CORO7: variants seen among roughly 807,000 people sequenced by gnomAD.
CORO7 encodes the protein coronin 7.
Under a neutral mutation model 126.6 loss-of-function variants are expected in CORO7, and 107 were observed. That is an observed-to-expected ratio of 0.85 (90% CI 0.72 to 0.99). The LOEUF (loss-of-function observed/expected upper bound fraction) is 0.99, where lower values mean the gene tolerates loss of function less well. Among genes scored for constraint, CORO7 ranks in the 50% least tolerant of loss-of-function variants. The pLI is 0.00. For missense variants in CORO7, 1,314 were observed against 1,255.8 expected, an observed-to-expected ratio of 1.05 and a Z score of -0.70; for synonymous variants, 603 against 536.8, an observed-to-expected ratio of 1.12 and a Z score of -1.70.
intron 9 of CORO7, chr16:4,383,236 G>A (rs1260827172): frequency 1.6e-5 from 5 of 304,304 alleles, no homozygotes; most frequent in East Asian, 5.8e-5. Flanking sequence ...CACTCCAGGC[G>A]GACCCTGGGG....
chr16:4,413,588 A>T (rs138378815), intron 1 of CORO7, 184 bp from the exon 2 acceptor site: 36 of 537,978 alleles, frequency 6.7e-5, no homozygotes, highest in African/African-American at 5.5e-4. Flanking sequence ...CCCAGGCTAG[A>T]GTGCAGTGGC....
intron 7 of CORO7, among the ~76,000 whole-genome samples, chr16:4,394,860 A>C (rs781647669): frequency 9.2e-5 from 14 of 152,226 alleles, no homozygotes; most frequent in Non-Finnish European, 1.6e-4. Flanking sequence ...CACAAACCAG[A>C]ACACGCTCAG....
intron 23 of CORO7, 52 bp downstream of exon 23, chr16:4,359,244 G>A (rs1025166224): frequency 2.5e-5 from 38 of 1,523,946 alleles, no homozygotes; most frequent in Admixed American, 4.2e-5. Context: ...GCCACCAGGG[G>A]GCAGGGCAGC....
chr16:4,407,630 C>T lies in CORO7; in HGVS notation c.358G>A (p.Val120Met), dbSNP rs764429150. ...GGGAGGTCCTCGGGGCCCAGCACCA[C>T]CCCGGGTGCTGAGGGCAGGGCCTGG... is the stretch of plus-strand genomic sequence containing the variant. ...PGQALPSAPG[V>M]VLGPEDLPVE... is the part of the protein sequence containing the mutation. The change falls in exon 5 of 28, where the codon GTG becomes ATG. Residue 120 changes from valine (V) to methionine (M), a missense_variant. Coordinates refer to ENST00000251166, the MANE Select transcript of CORO7 (RefSeq NM_024535.5). The T allele has an allele frequency of 6.2e-7, 1 of 1,608,298 alleles. No individual in the cohort carries two copies. Among genetic ancestry groups the T allele is most frequent in the South Asian group, 1.1e-5 (1 of 90,292 alleles).
chr16:4,384,871 G>A (rs555863913), intron 9 of CORO7, among the ~76,000 whole-genome samples: 99 of 152,342 alleles, frequency 6.5e-4, no homozygotes, highest in African/African-American at 2.0e-3. Context: ...ATCGTCAAAG[G>A]GGCCTTTGTG....
intron 6 of CORO7, among the ~76,000 whole-genome samples, chr16:4,396,675 C>T (rs986210010): frequency 2.6e-5 from 4 of 152,060 alleles, no homozygotes; most frequent in South Asian, 4.1e-4. Flanking sequence ...AGCACAGATT[C>T]CTGTTTTCAT....
intron 6 of CORO7, among the ~76,000 whole-genome samples, chr16:4,399,431 CAAATTATAGACACAGA>C (rs1299707207): frequency 6.6e-6 from 1 of 152,074 alleles, no homozygotes; most frequent in Admixed American, 6.5e-5. Context: ...CTAAAGTAGT[CAAATTATAGACACAGA>C]AAATTATAGA....
At chr16:4,359,187 C>G in intron 23 of CORO7, 109 bp downstream of exon 23, 1 of 1,257,698 alleles carries the variant, frequency 8.0e-7, no homozygotes, top group South Asian at 1.5e-5. Context: ...CAGCCCCAGC[C>G]CAGGACTCTG....
rs183739294 is a variant in CORO7 at position 4,403,830 on chromosome 16, C to A, written c.564+1661G>T. Among the ~76,000 whole-genome samples, 37 of 152,348 alleles carry A rather than the reference C, an allele frequency of 2.4e-4. 1 individual carries two copies. Among genetic ancestry groups the A allele is most frequent in the South Asian group, 4.1e-4 (2 of 4,834 alleles). On this transcript the variant is annotated intron_variant, in intron 6 of 27. Coordinates refer to ENST00000251166, the MANE Select transcript of CORO7 (RefSeq NM_024535.5). ...GGTCCCAAGGCAGCCATCCCTGAGT[C>A]CTGCTGAGACTACCCAGGCCATCCC... is the stretch of plus-strand genomic sequence containing the variant.
chr16:4,397,032 AAAG>A lies in CORO7; in HGVS notation c.565-1696_565-1694del, dbSNP rs1473178037. Among the ~76,000 whole-genome samples the A allele has an allele frequency of 6.9e-5, 10 of 145,624 alleles. No homozygotes were observed. The East Asian group carries it at 9.9e-4, about 14-fold the overall frequency. On this transcript the variant is annotated intron_variant, in intron 6 of 27. Transcript: ENST00000251166. ...CTCAATCTCAAAAAAAAAAAAAAAG[AAAG>A]AAAGAAAGAAAAACAACATCATTTG... is the stretch of plus-strand genomic sequence containing the variant.
At chr16:4,410,113 A>G (rs7205189) in intron 3 of CORO7, among the ~76,000 whole-genome samples, 112,072 of 152,054 alleles carry the variant, frequency 0.74, 41,448 homozygotes, top group Non-Finnish European at 0.77. Flanking sequence ...GCTCCCTCAT[A>G]GATAAAAAGC....
chr16:4,400,328 A>G (rs917165468), intron 6 of CORO7, among the ~76,000 whole-genome samples: 7 of 151,904 alleles, frequency 4.6e-5, no homozygotes, highest in African/African-American at 1.7e-4. Context: ...GTGAAACCCC[A>G]TCTCTAAAAA....
intron 6 of CORO7, among the ~76,000 whole-genome samples, chr16:4,402,902 G>A (rs2055863997): frequency 6.6e-6 from 1 of 152,196 alleles, no homozygotes; most frequent in African/African-American, 2.4e-5. Flanking sequence ...CCCAGTGGGA[G>A]TAGCTGAGAG....
At chr16:4,359,970 C>T (rs2054109149) in intron 21 of CORO7, among the ~76,000 whole-genome samples, 1 of 122,282 alleles carries the variant, frequency 8.2e-6, no homozygotes, top group Non-Finnish European at 1.7e-5. Flanking sequence ...TCTCCCCTAC[C>T]CCCCTCACCC....
At chr16:4,368,691 T>C (rs1292028471) in intron 9 of CORO7, among the ~76,000 whole-genome samples, 1 of 138,288 alleles carries the variant, frequency 7.2e-6, no homozygotes, top group African/African-American at 2.8e-5. Context: ...GAGGTTGCAG[T>C]GGGCCAAGAT....
At chr16:4,387,158 C>T (rs932730003) in intron 9 of CORO7, among the ~76,000 whole-genome samples, 4 of 152,154 alleles carry the variant, frequency 2.6e-5, no homozygotes, top group African/African-American at 9.7e-5. Context: ...CCCGGCCCTG[C>T]CTGGCTACGT....
Position 4,357,875 on chromosome 16 carries a change from C to T in CORO7, c.2593+93G>A, listed in dbSNP as rs1200368613. The T allele has an allele frequency of 1.3e-5, 20 of 1,518,022 alleles. No homozygotes were observed. In the South Asian group the frequency reaches 1.7e-4, roughly 13 times the overall value. 94.0% of individuals were successfully genotyped at this position (1,518,022 alleles called of 1,614,324 possible). A position where few individuals can be genotyped will look rare whatever the true frequency, so the allele number is the denominator to read the frequency against. On this transcript the variant is annotated intron_variant, in intron 25 of 27. Transcript: ENST00000251166. ...CCCTCCCAAAGGCCAGAGGATTCTG[C>T]GTGCCAACAGGAATGGAACTTCAAC...
At chr16:4,407,467 T>C in intron 5 of CORO7, 34 bp downstream of exon 5, 1 of 1,553,534 alleles carries the variant, frequency 6.4e-7, no homozygotes, top group South Asian at 1.2e-5. Context: ...AGAGTGGGGC[T>C]GCCCTGGGAA....
intron 9 of CORO7, among the ~76,000 whole-genome samples, chr16:4,367,508 C>T (rs1468258796): frequency 1.3e-5 from 2 of 152,200 alleles, no homozygotes; most frequent in Admixed American, 1.3e-4. Context: ...GTGCTCACAG[C>T]CTAGCACAAG....
Sources: gnomAD v4.1 joint callset for allele counts (sites outside exome capture counted in the v4.1 genomes callset) on GRCh38, gnomAD v4.1.1 for gene constraint, MANE v1.5 for transcripts, NCBI Gene and HGNC (gene_info 2026-07-23, HGNC 2026-07-21) for gene names.